Variants in BID observed in about 807,000 individuals in gnomAD.
BID encodes the protein BH3-interacting domain death agonist.
Under a neutral mutation model 17.4 loss-of-function variants are expected in BID, and 19 were observed. The ratio of observed to expected loss-of-function variants is 1.09; its 90% CI spans 0.76 to 1.60. BID has a LOEUF of 1.60. Ranked by LOEUF, BID falls within the 40% of genes most tolerant of loss-of-function variation. The pLI, the probability that BID is intolerant of heterozygous loss-of-function variation, is 0.00. For synonymous variants in BID, 108 were observed against 102.8 expected (o/e 1.05, Z -0.31); for missense variants, 226 against 256.0 (o/e 0.88, Z 0.80).
intron 3 of BID, 49 bp from the exon 4 acceptor site, chr22:17,739,537 C>T (rs1881096472): frequency 6.3e-7 from 1 of 1,577,328 alleles, no homozygotes; most frequent in Admixed American, 1.7e-5. Flanking sequence ...AGAAAATGTC[C>T]CTGATACCCT....
At chr22:17,738,674 T>C (rs1012284281) in intron 4 of BID, among the ~76,000 whole-genome samples, 30 of 151,982 alleles carry the variant, frequency 2.0e-4, no homozygotes, top group African/African-American at 7.0e-4. Flanking sequence ...CAGAGTTACA[T>C]GGGAGTGCGC....
At chr22:17,737,903 G>T in intron 5 of BID, 114 bp downstream of exon 5, 1 of 1,131,902 alleles carries the variant, frequency 8.8e-7, no homozygotes, top group Non-Finnish European at 1.3e-6. Context: ...GAGCAGGACA[G>T]CCTGTAACCC....
chr22:17,738,785 T>G (rs111603896), intron 4 of BID, among the ~76,000 whole-genome samples: 69 of 152,304 alleles, frequency 4.5e-4, no homozygotes, highest in African/African-American at 1.4e-3. Context: ...GCCTGCATTT[T>G]CAGCTGGTAG....
At chr22:17,747,356 T>C (rs1185759535) in intron 2 of BID, among the ~76,000 whole-genome samples, 1 of 152,256 alleles carries the variant, frequency 6.6e-6, no homozygotes, top group African/African-American at 2.4e-5. Flanking sequence ...AGTCTCATTC[T>C]GTTGCCCAGG....
intron 1 of BID, among the ~76,000 whole-genome samples, chr22:17,751,919 C>T (rs1338536633): frequency 6.6e-6 from 1 of 152,210 alleles, no homozygotes; most frequent in African/African-American, 2.4e-5. Flanking sequence ...ACAGACCCCA[C>T]CCCAGGAAAC....
chr22:17,760,163 T>G lies in BID; in HGVS notation c.-58-9989A>C, dbSNP rs1341832071. On this transcript the variant is annotated intron_variant, in intron 1 of 5. Transcript: ENST00000622694. Reference sequence around the variant, plus strand: ...AAAAAAAAAAAAAAAGTTTCATATCTGGCCGGGCACAATGACTCATGCCTA... The same window carrying G: ...AAAAAAAAAAAAAAAGTTTCATATCGGGCCGGGCACAATGACTCATGCCTA... Among the ~76,000 whole-genome samples, 8 of 140,400 alleles carry G rather than the reference T, an allele frequency of 5.7e-5. No homozygotes were observed. The East Asian group carries it at 1.5e-3, about 26-fold the overall frequency. The allele number at this position is 140,400 out of a possible 152,430, so 92.1% of individuals were successfully genotyped here. A position where few individuals can be genotyped will look rare whatever the true frequency, so the allele number is the denominator to read the frequency against.
At chr22:17,766,649 G>A (rs961039039) in intron 1 of BID, among the ~76,000 whole-genome samples, 11 of 151,602 alleles carry the variant, frequency 7.3e-5, no homozygotes, top group Non-Finnish European at 1.5e-4. Flanking sequence ...GAGTGCAATG[G>A]TGTGATCTCT....
Position 17,769,394 on chromosome 22 carries a change from G to C in BID, c.-59+4987C>G, listed in dbSNP as rs1440164174. Reference sequence around the variant, plus strand: ...AGGGATACCCAGAGGGAGAAACAAGGCTTTTGGGGAAATGGTGACACCTGG... The same window carrying C: ...AGGGATACCCAGAGGGAGAAACAAGCCTTTTGGGGAAATGGTGACACCTGG... On this transcript the variant is annotated intron_variant, in intron 1 of 5. Transcript: ENST00000622694. This position sits in a 1 kb window ranked among gnomAD's most constrained non-coding sequence, Gnocchi z 4.8. Among the ~76,000 whole-genome samples the C allele has an allele frequency of 2.0e-5, 3 of 152,234 alleles. No individual in the cohort carries two copies. The highest frequency in any genetic ancestry group is 7.2e-5 in the African/African-American group (3 of 41,468).
chr22:17,735,485 G>A lies in BID; in HGVS notation c.*95C>T, dbSNP rs1365604246. On this transcript the variant is annotated 3_prime_UTR_variant, in exon 6 of 6. Coordinates refer to ENST00000622694, the MANE Select transcript of BID (RefSeq NM_001196.4). The stretch of plus-strand genomic sequence containing the variant: ...CTTCCAGCCTGTCTTCTCTAGGAAC[G>A]CTGTTGACATGCCAGGGCTCCGTCT... 16 of 1,427,676 alleles carry A rather than the reference G, an allele frequency of 1.1e-5. No individual in the cohort carries two copies. In the East Asian group the frequency reaches 1.8e-4, roughly 16 times the overall value. 88.4% of individuals were successfully genotyped at this position (1,427,676 alleles called of 1,614,324 possible). A position where few individuals can be genotyped will look rare whatever the true frequency, so the allele number is the denominator to read the frequency against.
At chr22:17,739,254 T>C (rs760657506) in intron 4 of BID, 95 bp downstream of exon 4, 3 of 1,409,508 alleles carry the variant, frequency 2.1e-6, no homozygotes, top group South Asian at 1.4e-5. Flanking sequence ...ACGAGTTGAG[T>C]GGCCTCACGG....
chr22:17,751,370 C>T (rs2061538523), intron 1 of BID, among the ~76,000 whole-genome samples: 1 of 149,776 alleles, frequency 6.7e-6, no homozygotes, highest in African/African-American at 2.5e-5. Context: ...CAGAGCGAGA[C>T]TCCGTCTCAA....
rs1569047543 is a variant in BID, at chr22:17,756,420, CTTTCTTTCTTTCTTCTT to C, written c.-58-6263_-58-6247del. On this transcript the variant is annotated intron_variant, in intron 1 of 5. Coordinates refer to ENST00000622694, the MANE Select transcript of BID (RefSeq NM_001196.4). ...TTTCTTTTCTTTTTTCTCTTTCTTT[CTTTCTTTCTTTCTTCTT>C]TCTTTCTTTCTTTCTTTCTTTCTTT... Among the ~76,000 whole-genome samples, 24 of 131,360 alleles carry C rather than the reference CTTTCTTTCTTTCTTCTT, an allele frequency of 1.8e-4. 1 individual carries two copies. Among genetic ancestry groups the C allele is most frequent in the African/African-American group, 5.4e-4 (18 of 33,562 alleles). 86.2% of individuals were successfully genotyped at this position (131,360 alleles called of 152,430 possible).
chr22:17,750,688 C>T (rs1238910091), intron 1 of BID, among the ~76,000 whole-genome samples: 1 of 151,944 alleles, frequency 6.6e-6, no homozygotes, highest in African/African-American at 2.4e-5. Context: ...ATTAGCCGGG[C>T]GTGGTGGCGG....
At chr22:17,741,796 G>T (rs193184621) in intron 3 of BID, among the ~76,000 whole-genome samples, 69 of 152,228 alleles carry the variant, frequency 4.5e-4, no homozygotes, top group African/African-American at 1.6e-3. Flanking sequence ...ATTTATAGCC[G>T]CTGGGCTTTT....
At chr22:17,761,716 A>G (rs1331044395) in intron 1 of BID, among the ~76,000 whole-genome samples, 2 of 152,086 alleles carry the variant, frequency 1.3e-5, no homozygotes, top group African/African-American at 4.8e-5. Flanking sequence ...TTACAGGCAT[A>G]AGCCACCGCA....
At chr22:17,735,851 G>GA (rs1445127168) in intron 5 of BID, among the ~76,000 whole-genome samples, 1 of 152,096 alleles carries the variant, frequency 6.6e-6, no homozygotes, top group African/African-American at 2.4e-5. Context: ...GAGGAATCAC[G>GA]ATTCTGCCTC....
At chr22:17,766,442 G>A (rs530398621) in intron 1 of BID, among the ~76,000 whole-genome samples, 3 of 149,828 alleles carry the variant, frequency 2.0e-5, no homozygotes, top group East Asian at 4.0e-4. Context: ...CCACTATGCC[G>A]GGCTAATTTT....
Position 17,738,224 on chromosome 22 carries a change from C to G in BID, c.369G>C (p.Arg123=), listed in dbSNP as rs371538004. ...CCAGGGCAGTGGCCAGGTCCCTGTTCCGGTCCTGCACAGAGGGGCACACAG... is the reference window on the plus strand; with the variant it reads ...CCAGGGCAGTGGCCAGGTCCCTGTTGCGGTCCTGCACAGAGGGGCACACAG... ...LRNTSRSEED[R]NRDLATALEQ... is the part of the protein sequence containing the mutation. Residue 123 remains arginine, a synonymous_variant, in exon 5 of 6, where the codon CGG becomes CGC. Coordinates refer to ENST00000622694, the MANE Select transcript of BID (RefSeq NM_001196.4). 5.8e-5 allele frequency: 94 copies of G among 1,610,000 alleles called. No homozygotes were observed. The African/African-American group carries it at 1.0e-3, about 17-fold the overall frequency.
intron 3 of BID, chr22:17,740,339 T>C (rs2061450419): frequency 3.0e-6 from 2 of 659,702 alleles, no homozygotes; most frequent in Non-Finnish European, 5.4e-6. Flanking sequence ...TTTGGGAGGC[T>C]GAGGACAGAA....
Sources: allele counts gnomAD v4.1 joint callset (sites outside exome capture counted in the v4.1 genomes callset), GRCh38; gene constraint gnomAD v4.1.1; non-coding constraint Gnocchi (gnomAD v3.1); transcripts MANE v1.5; gene names NCBI Gene and HGNC (gene_info 2026-07-23, HGNC 2026-07-21).